The following RBM6 variants were observed in gnomAD, a reference collection of about 807,000 sequenced individuals.
RBM6 encodes RNA binding motif protein 6.
A neutral mutation model predicts 140.4 loss-of-function variants in RBM6; 23 were observed. The ratio of observed to expected loss-of-function variants is 0.16; its 90% CI spans 0.12 to 0.23. RBM6 has a LOEUF of 0.23. Among genes scored for constraint, RBM6 ranks in the 10% least tolerant of loss-of-function variants. RBM6 has a pLI of 1.00. For synonymous variants in RBM6, 439 were observed against 475.6 expected (o/e 0.92, Z 1.00); for missense variants, 1,139 against 1,386.7 (o/e 0.82, Z 2.84).
intron 5 of RBM6, among the ~76,000 whole-genome samples, chr3:49,979,076 C>T (rs1481796426): frequency 6.6e-6 from 1 of 152,144 alleles, no homozygotes; most frequent in Non-Finnish European, 1.5e-5. Flanking sequence ...AAACTAGACT[C>T]ATAAGGATAT....
chr3:50,071,910 C>T (rs1446523548), intron 19 of RBM6, among the ~76,000 whole-genome samples: 1 of 149,304 alleles, frequency 6.7e-6, no homozygotes, highest in Non-Finnish European at 1.5e-5. Context: ...ATGGTGAAAC[C>T]CCTTCTCTAC....
At chr3:50,025,720 CCA>C (rs1191092871) in intron 6 of RBM6, among the ~76,000 whole-genome samples, 2 of 151,176 alleles carry the variant, frequency 1.3e-5, no homozygotes, top group Non-Finnish European at 2.9e-5. Context: ...CCACTGTGCC[CCA>C]CTGTTCAAGT....
chr3:50,067,428 C>T (rs1267148536), intron 17 of RBM6, among the ~76,000 whole-genome samples: 2 of 152,190 alleles, frequency 1.3e-5, no homozygotes, highest in Admixed American at 1.3e-4. Context: ...TAGGACATTA[C>T]TTGCTGGGTT....
intron 7 of RBM6, among the ~76,000 whole-genome samples, chr3:50,049,195 GC>G (rs1223382459): frequency 2.6e-5 from 4 of 151,846 alleles, no homozygotes; most frequent in African/African-American, 4.8e-5. Flanking sequence ...TACAACCTCT[GC>G]CACCCGGGTT....
chr3:50,021,783 C>T (rs1267701925), intron 6 of RBM6, among the ~76,000 whole-genome samples: 20 of 74,006 alleles, frequency 2.7e-4, no homozygotes, highest in East Asian at 5.2e-4. Context: ...GACAGAGTCT[C>T]ACTTTGTTGC....
intron 5 of RBM6, among the ~76,000 whole-genome samples, chr3:49,998,391 T>C (rs955154421): frequency 6.6e-6 from 1 of 152,228 alleles, no homozygotes; most frequent in African/African-American, 2.4e-5. Flanking sequence ...ATCTTTTTCT[T>C]GCGGTTCCAT....
intron 6 of RBM6, among the ~76,000 whole-genome samples, chr3:50,009,339 T>C (rs1223090934): frequency 6.6e-6 from 1 of 152,198 alleles, no homozygotes; most frequent in Non-Finnish European, 1.5e-5. Flanking sequence ...TTGCAGGTAG[T>C]TCTTTTATCA....
chr3:50,067,186 CAAAAAAAAAAAAA>C (rs751552449), intron 17 of RBM6, among the ~76,000 whole-genome samples: 4 of 19,576 alleles, frequency 2.0e-4, no homozygotes, highest in South Asian at 3.5e-3. Flanking sequence ...GACTCTATCT[CAAAAAAAAAAAAA>C]AAAAAAAAAA....
intron 1 of RBM6, among the ~76,000 whole-genome samples, chr3:49,946,144 A>T (rs2083475621): frequency 6.6e-6 from 1 of 151,982 alleles, no homozygotes; most frequent in African/African-American, 2.4e-5. Flanking sequence ...CTTCCACTCC[A>T]TGGTATTTTG....
intron 5 of RBM6, among the ~76,000 whole-genome samples, chr3:49,988,520 A>T (rs1195231012): frequency 6.6e-6 from 1 of 151,862 alleles, no homozygotes; most frequent in Non-Finnish European, 1.5e-5. Flanking sequence ...CCTCGACTTG[A>T]TCTATATATT....
intron 1 of RBM6, among the ~76,000 whole-genome samples, chr3:49,941,483 G>A (rs976284091): frequency 1.3e-5 from 2 of 151,394 alleles, no homozygotes; most frequent in South Asian, 2.1e-4. Context: ...TCTACTAAAA[G>A]TACAAAATTA....
At chr3:49,957,950 G>A (rs2084077190) in intron 1 of RBM6, among the ~76,000 whole-genome samples, 2 of 151,736 alleles carry the variant, frequency 1.3e-5, no homozygotes, top group African/African-American at 2.4e-5. Context: ...TCTTGCCTCA[G>A]GCTCCTGAGT....
At chr3:49,983,947 T>G (rs2085426003) in intron 5 of RBM6, among the ~76,000 whole-genome samples, 1 of 151,938 alleles carries the variant, frequency 6.6e-6, no homozygotes, top group South Asian at 2.1e-4. Context: ...GGAACAAGGG[T>G]TAATTTGGTC....
At chr3:50,050,548 G>A (rs1338394255) in intron 7 of RBM6, among the ~76,000 whole-genome samples, 1 of 152,102 alleles carries the variant, frequency 6.6e-6, no homozygotes, top group Non-Finnish European at 1.5e-5. Context: ...CAGTTATTTG[G>A]GGGTATGTAT....
At chr3:49,977,250 A>G (rs2085103046) in intron 5 of RBM6, among the ~76,000 whole-genome samples, 1 of 152,196 alleles carries the variant, frequency 6.6e-6, no homozygotes, top group Admixed American at 6.5e-5. Context: ...TTTGACCAAT[A>G]CAAACTTCTT....
At chr3:49,991,583 C>G (rs2085828821) in intron 5 of RBM6, among the ~76,000 whole-genome samples, 1 of 152,156 alleles carries the variant, frequency 6.6e-6, no homozygotes, top group South Asian at 2.1e-4. Context: ...TGCCAGGAAC[C>G]TGGGACAGAC....
At chr3:49,994,807 G>A (rs1475618793) in intron 5 of RBM6, among the ~76,000 whole-genome samples, 2 of 151,808 alleles carry the variant, frequency 1.3e-5, no homozygotes, top group African/African-American at 2.4e-5. Flanking sequence ...CTGATTCCCC[G>A]TTTTACTTTC....
chr3:50,060,967 G>A lies in RBM6; in HGVS notation c.2240G>A (p.Gly747Glu), dbSNP rs772739107. The A allele has an allele frequency of 3.2e-6, 5 of 1,572,806 alleles. No individual in the cohort carries two copies. In the East Asian group the frequency reaches 1.1e-4, roughly 35 times the overall value. Residue 747 changes from glycine (G) to glutamate (E), a missense_variant, in exon 12 of 21, where the codon GGG (glycine) becomes GAG (glutamate). Transcript: ENST00000266022. ...GTTATCTGTTGCAGAAATGATTCTGGGGACCATTCTGACCACATGCATTAC... is the reference window on the plus strand; with the variant it reads ...GTTATCTGTTGCAGAAATGATTCTGAGGACCATTCTGACCACATGCATTAC... Reference protein sequence around the residue: ...LATGKRRNDSGDHSDHMHYYQ... With the variant: ...LATGKRRNDSEDHSDHMHYYQ...
chr3:50,007,556 A>G (rs2086640791), intron 6 of RBM6, among the ~76,000 whole-genome samples: 2 of 150,174 alleles, frequency 1.3e-5, no homozygotes, highest in South Asian at 4.2e-4. Flanking sequence ...TTTTTGAGAC[A>G]GAGTCTGGCT....
Sources: gnomAD v4.1 joint callset for allele counts (sites outside exome capture counted in the v4.1 genomes callset) on GRCh38, gnomAD v4.1.1 for gene constraint, MANE v1.5 for transcripts, NCBI Gene and HGNC (gene_info 2026-07-23, HGNC 2026-07-21) for gene names.